VCAN: variants seen among roughly 807,000 people sequenced by gnomAD.
VCAN encodes the protein versican core protein.
Under a neutral mutation model 245.5 loss-of-function variants are expected in VCAN, and 44 were observed. The observed-to-expected ratio is 0.18, with a 90% CI of 0.14 to 0.23. VCAN has a LOEUF of 0.23. Among genes scored for constraint, VCAN ranks in the 10% least tolerant of loss-of-function variants. VCAN has a pLI of 1.00. For missense variants in VCAN, 3,793 were observed against 4,057.9 expected (o/e 0.93, Z 1.77); for synonymous variants, 1,413 against 1,437.0 (o/e 0.98, Z 0.38).
In VCAN at chr5:83,537,559, C is replaced by A. The variant is rs1746772578; in HGVS notation, c.4556C>A (p.Ala1519Glu). ...GAAAGTGGAACAGCCAAAAAAGGGG[C>A]AGAATCAGTCACAGAGAGAGATACT... The part of the protein sequence containing the change: ...EFESGTAKKG[A>E]ESVTERDTEV... The change falls in exon 8 of 15, where the codon GCA becomes GAA. Residue 1519 changes from alanine to glutamate, a missense_variant. By Grantham distance (107) the Ala-to-Glu change is moderately radical. Around this residue, in one of 5 missense-constraint regions of VCAN, gnomAD observed 3,182 missense variants for 3,250.3 expected, o/e 0.98. Coordinates refer to ENST00000265077, the MANE Select transcript of VCAN (RefSeq NM_004385.5). The A allele has an allele frequency of 1.2e-6, 2 of 1,613,792 alleles. No individual in the cohort carries two copies. Among genetic ancestry groups the A allele is most frequent in the Non-Finnish European group, 1.7e-6 (2 of 1,179,912 alleles).
chr5:83,478,488 A>T (rs951807368), intron 1 of VCAN, among the ~76,000 whole-genome samples: 6 of 152,178 alleles, frequency 3.9e-5, no homozygotes, highest in Non-Finnish European at 7.3e-5. Context: ...CCCAAGACAA[A>T]TGGACAAGGA....
At chr5:83,573,154 T>G (rs1164445750) in intron 13 of VCAN, among the ~76,000 whole-genome samples, 10 of 152,110 alleles carry the variant, frequency 6.6e-5, no homozygotes, top group Admixed American at 1.3e-4. Context: ...AGCCTCAGCC[T>G]CCCAAAGTGC....
chr5:83,490,309 T>G lies in VCAN; in HGVS notation c.282T>G (p.Gly94=). 1 of 1,614,106 alleles carries G rather than the reference T, an allele frequency of 6.2e-7. No homozygotes were observed. Among genetic ancestry groups the G allele is most frequent in the Non-Finnish European group, 8.5e-7 (1 of 1,180,024 alleles). Residue 94 remains glycine (G), a synonymous_variant, in exon 3 of 15, where the codon GGT becomes GGG. Transcript: ENST00000265077. ...CCCAAAATGGAAATATCAAGATTGGTCAGGACTACAAAGGGAGAGTGTCTG... is the reference window on the plus strand; with the variant it reads ...CCCAAAATGGAAATATCAAGATTGGGCAGGACTACAAAGGGAGAGTGTCTG... ...LVAQNGNIKI[G]QDYKGRVSVP...
At chr5:83,550,450 A>G (rs1747417407) in intron 10 of VCAN, among the ~76,000 whole-genome samples, 1 of 152,246 alleles carries the variant, frequency 6.6e-6, no homozygotes, top group Non-Finnish European at 1.5e-5. Flanking sequence ...TAATAAATAA[A>G]AAGAGTTTCA....
At chr5:83,557,564 G>T (rs1436189567) in intron 12 of VCAN, among the ~76,000 whole-genome samples, 2 of 152,030 alleles carry the variant, frequency 1.3e-5, no homozygotes, top group Admixed American at 6.6e-5. Flanking sequence ...CCAAAGCAAG[G>T]CAACTCAACT....
rs1449490137 is a variant in VCAN, at chr5:83,582,002, A to G, written c.*1568A>G. 1 of 152,180 alleles carries G rather than the reference A, an allele frequency of 6.6e-6. No homozygotes were observed. The highest frequency in any genetic ancestry group is 1.5e-5 in the Non-Finnish European group (1 of 68,016). The allele number at this position is 152,180 out of a possible 1,614,324, so 9.4% of individuals were successfully genotyped here. On this transcript the variant is annotated 3_prime_UTR_variant, in exon 15 of 15. Coordinates refer to ENST00000265077, the MANE Select transcript of VCAN (RefSeq NM_004385.5). ...TTTTTTATAAAACCTCCTTTGGCTT[A>G]GAAGGAATGACTCTAGCTACAATAA...
In VCAN at chr5:83,515,750, C is replaced by T. The variant is rs187372032; in HGVS notation, c.1042+3354C>T. Reference sequence around the variant, plus strand: ...CACTTTCTATCCTATCTTATATACTCATTCACTGTTAAAATTTGCCTGCCC... The same window carrying T: ...CACTTTCTATCCTATCTTATATACTTATTCACTGTTAAAATTTGCCTGCCC... On this transcript the variant is annotated intron_variant, in intron 6 of 14. Transcript: ENST00000265077. 6.9e-4 allele frequency among the ~76,000 whole-genome samples: 105 copies of T among 152,316 alleles called. 1 individual carries two copies. Among genetic ancestry groups the T allele is most frequent in the Non-Finnish European group, 1.3e-3 (91 of 68,034 alleles).
intron 13 of VCAN, among the ~76,000 whole-genome samples, chr5:83,575,383 G>C (rs1273682426): frequency 6.6e-6 from 1 of 152,076 alleles, no homozygotes; most frequent in Non-Finnish European, 1.5e-5. Context: ...AGCAAATCAA[G>C]TATTTTCTAT....
intron 5 of VCAN, among the ~76,000 whole-genome samples, chr5:83,499,006 C>T (rs762284486): frequency 1.3e-5 from 2 of 152,102 alleles, no homozygotes; most frequent in South Asian, 2.1e-4. Flanking sequence ...ACCCCACACA[C>T]GTGCATCTCG....
At chr5:83,477,939 A>G (rs894481895) in intron 1 of VCAN, among the ~76,000 whole-genome samples, 7 of 150,934 alleles carry the variant, frequency 4.6e-5, no homozygotes, top group Non-Finnish European at 8.8e-5. Flanking sequence ...AACAAAAAAA[A>G]ATAATTTTTT....
chr5:83,524,106 G>A (rs948383136), intron 7 of VCAN, among the ~76,000 whole-genome samples: 2 of 152,074 alleles, frequency 1.3e-5, no homozygotes, highest in African/African-American at 4.8e-5. Context: ...GAAACTGCCA[G>A]TTAGGAAGTC....
At chr5:83,558,068 C>T (rs1332719914) in intron 12 of VCAN, among the ~76,000 whole-genome samples, 1 of 152,106 alleles carries the variant, frequency 6.6e-6, no homozygotes, top group Non-Finnish European at 1.5e-5. Context: ...GAGCCGGTCT[C>T]CCTCGCATTC....
intron 13 of VCAN, among the ~76,000 whole-genome samples, chr5:83,576,742 G>C (rs1036294443): frequency 2.2e-4 from 34 of 152,184 alleles, no homozygotes; most frequent in African/African-American, 3.6e-4. Flanking sequence ...GGCACTATTG[G>C]ACTTTGAAAT....
At chr5:83,499,899 T>G (rs916367666) in intron 5 of VCAN, among the ~76,000 whole-genome samples, 4 of 152,238 alleles carry the variant, frequency 2.6e-5, no homozygotes, top group African/African-American at 9.6e-5. Flanking sequence ...TTTGTTACTT[T>G]ATGAGCTCCT....
chr5:83,543,694 A>T (rs1747090293), intron 8 of VCAN, among the ~76,000 whole-genome samples: 2 of 152,206 alleles, frequency 1.3e-5, no homozygotes, highest in South Asian at 4.1e-4. Flanking sequence ...ATGTAAAAAT[A>T]ACTGGTAATA....
At chr5:83,483,939 G>A (rs1021576116) in intron 2 of VCAN, among the ~76,000 whole-genome samples, 1 of 152,116 alleles carries the variant, frequency 6.6e-6, no homozygotes, top group African/African-American at 2.4e-5. Flanking sequence ...TAAACACCCA[G>A]TGGGCTAGAA....
rs770872531 is a variant in VCAN at position 83,538,175 on chromosome 5, A to G, written c.5172A>G (p.Lys1724=). 4 of 1,613,874 alleles carry G rather than the reference A, an allele frequency of 2.5e-6. No individual in the cohort carries two copies. The African/African-American group carries it at 5.3e-5, about 22-fold the overall frequency. ...WISSTTVEEK[K]RKEEEGTTGT... is the part of the protein sequence containing the mutation. ...CCAGTACCACTGTTGAGGAAAAGAA[A>G]AGGAAGGAGGAGGAGGGAACTACAG... Residue 1724 remains lysine, a synonymous_variant, in exon 8 of 15, where the codon AAA becomes AAG. Transcript: ENST00000265077.
intron 5 of VCAN, 132 bp from the exon 6 acceptor site, chr5:83,511,971 A>T: frequency 9.1e-7 from 1 of 1,095,362 alleles, no homozygotes; most frequent in African/African-American, 1.6e-5. Flanking sequence ...TCTGCTTTAA[A>T]GTATCAGAAG....
In VCAN at chr5:83,558,072, C is replaced by T. The variant is rs368879881; in HGVS notation, c.9735+3034C>T. On this transcript the variant is annotated intron_variant, in intron 12 of 14. Transcript: ENST00000265077. ...CATCTGTCTTAGAGCCGGTCTCCCT[C>T]GCATTCAACTGATCTCCTGCCCACT... 3.3e-5 allele frequency among the ~76,000 whole-genome samples: 5 copies of T among 152,128 alleles called. 1 individual carries two copies. The highest frequency in any genetic ancestry group is 1.2e-4 in the African/African-American group (5 of 41,426).
Sources: gnomAD v4.1 joint callset for allele counts (sites outside exome capture counted in the v4.1 genomes callset) on GRCh38, gnomAD v4.1.1 for gene constraint, gnomAD v4.1.1 regional missense constraint, MANE v1.5 for transcripts, NCBI Gene and HGNC (gene_info 2026-07-23, HGNC 2026-07-21) for gene names.